The following ADAM9 variants were observed in gnomAD, a reference collection of about 807,000 sequenced individuals.
ADAM9 encodes the protein disintegrin and metalloproteinase domain-containing protein 9.
A neutral mutation model predicts 108.1 loss-of-function variants in ADAM9; 54 were observed. That is an observed-to-expected ratio of 0.50 (90% confidence interval 0.40 to 0.63). The LOEUF (loss-of-function observed/expected upper bound fraction) is 0.63. Among genes scored for constraint, ADAM9 ranks in the 20% least tolerant of loss-of-function variants. ADAM9 has a pLI of 0.00. For synonymous variants in ADAM9, 316 were observed against 336.0 expected (o/e 0.94, Z 0.65); for missense variants, 830 against 997.7 (o/e 0.83, Z 2.26).
chr8:39,015,660 A>G (rs1836503364), intron 4 of ADAM9: 1 of 154,842 alleles, frequency 6.5e-6, no homozygotes, highest in Admixed American at 6.4e-5. Flanking sequence ...GTTTCACTGA[A>G]AAATTTACAT....
At chr8:39,000,969 C>G (rs1197368568) in intron 1 of ADAM9, among the ~76,000 whole-genome samples, 1 of 151,928 alleles carries the variant, frequency 6.6e-6, no homozygotes, top group Non-Finnish European at 1.5e-5. Context: ...TGGGACGTTC[C>G]CTTTGATGAA....
chr8:39,016,216 C>T (rs767123010), intron 5 of ADAM9, 22 bp downstream of exon 5: 113 of 1,581,004 alleles, frequency 7.1e-5, no homozygotes, highest in Middle Eastern at 6.7e-4. Context: ...CCTTTATCTT[C>T]TTTTTTTTTG....
intron 12 of ADAM9, among the ~76,000 whole-genome samples, chr8:39,045,018 A>ATG (rs145426377): frequency 0.42 from 40,962 of 97,286 alleles, 11,407 homozygotes; most frequent in East Asian, 0.74. Flanking sequence ...ATGTATGTGT[A>ATG]TGTGTGTGTG....
At chr8:39,103,476 A>T in intron 21 of ADAM9, 131 bp from the exon 22 acceptor site, 11 of 876,062 alleles carry the variant, frequency 1.3e-5, no homozygotes, top group Non-Finnish European at 1.7e-5. Flanking sequence ...CCTAATACTG[A>T]TCTCAGAATG....
chr8:39,069,611 C>A (rs1052407884), intron 14 of ADAM9, among the ~76,000 whole-genome samples: 2 of 152,064 alleles, frequency 1.3e-5, no homozygotes, highest in African/African-American at 4.8e-5. Flanking sequence ...AATGGTTTGC[C>A]TGAGGTCACA....
At chr8:39,035,344 T>G (rs1325347920) in intron 11 of ADAM9, among the ~76,000 whole-genome samples, 3 of 152,240 alleles carry the variant, frequency 2.0e-5, no homozygotes, top group Non-Finnish European at 4.4e-5. Flanking sequence ...TTCATGCTTG[T>G]CACTTTTGTC....
At chr8:39,020,422 G>A (rs952820148) in intron 7 of ADAM9, among the ~76,000 whole-genome samples, 5 of 152,088 alleles carry the variant, frequency 3.3e-5, no homozygotes, top group Non-Finnish European at 7.4e-5. Context: ...ATCATGATTA[G>A]ATCCCTAACT....
intron 15 of ADAM9, among the ~76,000 whole-genome samples, chr8:39,076,534 A>C (rs1482955506): frequency 6.6e-6 from 1 of 152,178 alleles, no homozygotes; most frequent in Non-Finnish European, 1.5e-5. Context: ...GAAGATTCAG[A>C]TATAGAGTAG....
intron 14 of ADAM9, among the ~76,000 whole-genome samples, chr8:39,064,037 C>T (rs1838380452): frequency 6.6e-6 from 1 of 152,204 alleles, no homozygotes; most frequent in Non-Finnish European, 1.5e-5. Context: ...TTATCATCTT[C>T]TTTCCCTACT....
chr8:39,099,371 A>G (rs1420897710), intron 20 of ADAM9, among the ~76,000 whole-genome samples: 3 of 152,128 alleles, frequency 2.0e-5, no homozygotes, highest in African/African-American at 4.8e-5. Flanking sequence ...ACTTCCCACC[A>G]ACCCAGCCAA....
chr8:39,102,829 G>C (rs1839742373), intron 21 of ADAM9, among the ~76,000 whole-genome samples: 1 of 152,162 alleles, frequency 6.6e-6, no homozygotes. Flanking sequence ...TGACTCAATG[G>C]ATGGGCTTAA....
chr8:39,027,637 T>A (rs138006745), intron 11 of ADAM9, among the ~76,000 whole-genome samples: 1 of 152,290 alleles, frequency 6.6e-6, no homozygotes, highest in East Asian at 1.9e-4. Context: ...ATCAGAAATA[T>A]AGATTTCTAA....
chr8:39,078,384 G>A (rs930209774), intron 16 of ADAM9, among the ~76,000 whole-genome samples: 1 of 141,842 alleles, frequency 7.1e-6, no homozygotes, highest in Non-Finnish European at 1.5e-5. Context: ...AAAAAATTGT[G>A]CTGAAAGGCT....
At chr8:39,011,234 T>G (rs1382172463) in intron 2 of ADAM9, among the ~76,000 whole-genome samples, 1 of 152,184 alleles carries the variant, frequency 6.6e-6, no homozygotes, top group Non-Finnish European at 1.5e-5. Flanking sequence ...AGCCCTGTAA[T>G]TTGTATCATA....
At position 39,066,214 on chromosome 8, in the gene ADAM9, G is replaced by A. The variant is rs796959259; in HGVS notation, c.1592-5084G>A. Among the ~76,000 whole-genome samples, 12 of 152,294 alleles carry A rather than the reference G, an allele frequency of 7.9e-5. 1 individual carries two copies. In the East Asian group the frequency reaches 1.7e-3, roughly 22 times the overall value. On this transcript the variant is annotated intron_variant, in intron 14 of 21. Coordinates refer to ENST00000487273, the MANE Select transcript of ADAM9 (RefSeq NM_003816.3). ...GTGAATAGTGCTGCAATAAACATACGTGTGCATATGTCTTTATAGCAGCAT... is the reference window on the plus strand; with the variant it reads ...GTGAATAGTGCTGCAATAAACATACATGTGCATATGTCTTTATAGCAGCAT...
At position 39,012,978 on chromosome 8, in the gene ADAM9, C is replaced by T. The variant is rs147755692; in HGVS notation, c.255-987C>T. ...AAAAAATATATAGACAGGCTGGTCC[C>T]GGGTGCCTCCAGGGGAGTTTTGAAC... On this transcript the variant is annotated intron_variant, in intron 3 of 21. Coordinates refer to ENST00000487273, the MANE Select transcript of ADAM9 (RefSeq NM_003816.3). 1.9e-3 allele frequency among the ~76,000 whole-genome samples: 287 copies of T among 152,142 alleles called. 2 individuals are homozygous for T. Among genetic ancestry groups the T allele is most frequent in the Middle Eastern group, 6.8e-3 (2 of 294 alleles).
Position 39,101,948 on chromosome 8 carries a change from T to C in ADAM9, c.2366+18T>C. 3 of 1,606,826 alleles carry C rather than the reference T, an allele frequency of 1.9e-6. No homozygotes were observed. The highest frequency in any genetic ancestry group is 1.7e-5 in the Admixed American group (1 of 60,012). On this transcript the variant is annotated intron_variant, in intron 21 of 21. Transcript: ENST00000487273. Reference sequence around the variant, plus strand: ...CCATCAAGGTCAGAAGAAAATTTGCTTAGATTTTTTGGCCAGAATAAAACC... The same window carrying C: ...CCATCAAGGTCAGAAGAAAATTTGCCTAGATTTTTTGGCCAGAATAAAACC...
In ADAM9 at chr8:39,090,105, T is replaced by C. The variant is rs1839303043; in HGVS notation, c.2127T>C (p.Leu709=). ...LLVFFFLIVP[L]IVCAIFIFIK... ...TCTTCTTCTTCCTAATTGTTCCCCTTATTGTCTGTGCTATTTTTATCTTCA... is the reference window on the plus strand; with the variant it reads ...TCTTCTTCTTCCTAATTGTTCCCCTCATTGTCTGTGCTATTTTTATCTTCA... Residue 709 remains leucine, a synonymous_variant, in exon 19 of 22, where the codon CTT becomes CTC. Transcript: ENST00000487273. The C allele has an allele frequency of 6.2e-7, 1 of 1,613,928 alleles. No homozygotes were observed. The highest frequency in any genetic ancestry group is 8.5e-7 in the Non-Finnish European group (1 of 1,179,870).
intron 18 of ADAM9, among the ~76,000 whole-genome samples, chr8:39,083,608 T>G (rs938071636): frequency 6.6e-6 from 1 of 152,212 alleles, no homozygotes; most frequent in South Asian, 2.1e-4. Context: ...CTTGGCTAAT[T>G]GCTATTTAGG....
Sources: allele counts gnomAD v4.1 joint callset (sites outside exome capture counted in the v4.1 genomes callset), GRCh38; gene constraint gnomAD v4.1.1; transcripts MANE v1.5; gene names NCBI Gene and HGNC (gene_info 2026-07-23, HGNC 2026-07-21).